The following KLK5 variants were observed in gnomAD, a reference collection of about 807,000 sequenced individuals.
The protein encoded by KLK5 is kallikrein related peptidase 5, also known as kallikrein-5.
In KLK5, 18 loss-of-function variants were observed where a neutral mutation model predicts 24.0. The observed-to-expected ratio is 0.75, with a 90% CI of 0.52 to 1.11. KLK5 has a LOEUF of 1.11. Among genes scored for constraint, KLK5 ranks in the 50% most tolerant of loss-of-function variants. The pLI is 0.00. For missense variants in KLK5, 374 were observed against 379.2 expected, an observed-to-expected ratio of 0.99 and a Z score of 0.11; for synonymous variants, 140 against 154.0, an observed-to-expected ratio of 0.91 and a Z score of 0.67.
chr19:50,946,310 G>A (rs55924070), intron 5 of KLK5, among the ~76,000 whole-genome samples: 28,443 of 152,196 alleles, frequency 0.19, 4,075 homozygotes, highest in East Asian at 0.81. Context: ...GCTGAGGCAT[G>A]CAAACCACTT....
At chr19:50,945,070 C>T (rs776849592) in intron 5 of KLK5, among the ~76,000 whole-genome samples, 30,320 of 135,152 alleles carry the variant, frequency 0.22, 4,566 homozygotes, top group East Asian at 0.78. Flanking sequence ...CTCCTTCCTT[C>T]CTTCCTTTCT....
Position 50,948,967 on chromosome 19 carries a change from T to A in KLK5, c.484A>T (p.Arg162Ter). Residue 162 changes from arginine (R) to a stop codon, truncating the protein, a stop_gained, in exon 4 of 6, where the codon AGA (arginine) becomes TGA (stop). Transcript: ENST00000336334. LOFTEE classifies it high-confidence loss of function. ...NDLMLIKLNRRIRPTKDVRPI... is the reference protein window; with the variant it reads ...NDLMLIKLNR ...CTGACATCTTTAGTGGGACGAATTC[T>A]TCTGTTCAGTTTGATGAGCATGAGG... The A allele has an allele frequency of 6.2e-7, 1 of 1,614,034 alleles. No homozygotes were observed. The highest frequency in any genetic ancestry group is 8.5e-7 in the Non-Finnish European group (1 of 1,179,988).
chr19:50,950,163 G>A, intron 2 of KLK5, 47 bp from the exon 3 acceptor site: 1 of 1,581,184 alleles, frequency 6.3e-7, no homozygotes, highest in Non-Finnish European at 8.6e-7. Context: ...CGGGGCTTGG[G>A]CTGGGGGTGG....
chr19:50,944,032 C>G lies in KLK5; in HGVS notation c.727-246G>C, dbSNP rs540550250. Among the ~76,000 whole-genome samples, 259 of 150,894 alleles carry G rather than the reference C, an allele frequency of 1.7e-3. 2 individuals carry two copies. Among genetic ancestry groups the G allele is most frequent in the African/African-American group, 6.0e-3 (247 of 41,012 alleles). On this transcript the variant is annotated intron_variant, in intron 5 of 5. Coordinates refer to ENST00000336334, the MANE Select transcript of KLK5 (RefSeq NM_012427.5). ...AGCTTTTTTTTTTTTGAGATGGAGT[C>G]TTACTCTGTTGCCCAGGTTGGAGCG...
At position 50,948,918 on chromosome 19, in the gene KLK5, C is replaced by T. The variant is rs1445715440; in HGVS notation, c.533G>A (p.Cys178Tyr). ...CAAGCACTTTGTCCCAGCAGAGGGA[C>T]AATGAGAGGAGACGTTGATGGGTCT... ...DVRPINVSSHCPSAGTKCLVS... is the reference protein window; with the variant it reads ...DVRPINVSSHYPSAGTKCLVS... Residue 178 changes from cysteine to tyrosine, a missense_variant, in exon 4 of 6, where the codon TGT (cysteine) becomes TAT (tyrosine). Transcript: ENST00000336334. 2.5e-6 allele frequency: 4 copies of T among 1,613,978 alleles called. No individual in the cohort carries two copies. The African/African-American group carries it at 5.3e-5, about 22-fold the overall frequency.
chr19:50,948,529 C>A, intron 5 of KLK5, 111 bp downstream of exon 5: 1 of 1,039,744 alleles, frequency 9.6e-7, no homozygotes, highest in Non-Finnish European at 1.5e-6. Context: ...TCTGTGAGAA[C>A]AGGGGTCCTG....
At chr19:50,949,547 T>A (rs1216594596) in intron 3 of KLK5, among the ~76,000 whole-genome samples, 9 of 148,984 alleles carry the variant, frequency 6.0e-5, no homozygotes, top group Non-Finnish European at 1.5e-5. Context: ...AAATATATGC[T>A]CCTAACCCCA....
chr19:50,951,663 C>G (rs542731753), intron 2 of KLK5, among the ~76,000 whole-genome samples: 1 of 152,190 alleles, frequency 6.6e-6, no homozygotes, highest in Non-Finnish European at 1.5e-5. Context: ...CAGCCAAGCA[C>G]GCACGCAGTT....
intron 5 of KLK5, among the ~76,000 whole-genome samples, chr19:50,948,006 GA>G (rs34825687): frequency 6.6e-6 from 1 of 152,056 alleles, no homozygotes; most frequent in African/African-American, 2.4e-5. Flanking sequence ...ATGAAAACAA[GA>G]AAAGAATGTA....
At chr19:50,946,646 G>C (rs931663847) in intron 5 of KLK5, among the ~76,000 whole-genome samples, 1 of 151,496 alleles carries the variant, frequency 6.6e-6, no homozygotes, top group African/African-American at 2.4e-5. Context: ...TGCAAGTTCC[G>C]CCTCCCGGGT....
At position 50,952,662 on chromosome 19, in the gene KLK5, G is replaced by A. The variant is rs199936760; in HGVS notation, c.-5C>T. On this transcript the variant is annotated 5_prime_UTR_variant, in exon 2 of 6. Coordinates refer to ENST00000336334, the MANE Select transcript of KLK5 (RefSeq NM_012427.5). Reference sequence around the variant, plus strand: ...GGGGGGTCTTGCTGTAGCCATGGCCGCTGCACCTGGATGGGGAATGTCAGA... The same window carrying A: ...GGGGGGTCTTGCTGTAGCCATGGCCACTGCACCTGGATGGGGAATGTCAGA... 1.5e-4 allele frequency: 242 copies of A among 1,592,198 alleles called. No homozygotes were observed. Among genetic ancestry groups the A allele is most frequent in the Non-Finnish European group, 1.9e-4 (217 of 1,169,176 alleles).
At chr19:50,950,890 C>CAAAAAAA (rs10650166) in intron 2 of KLK5, among the ~76,000 whole-genome samples, 1 of 99,966 alleles carries the variant, frequency 1.0e-5, no homozygotes, top group Admixed American at 1.2e-4. Flanking sequence ...AGACTGTCTC[C>CAAAAAAA]AAAAAAAAAA....
rs1386749971 is a variant in KLK5 at position 50,945,856 on chromosome 19, TA to T, written c.727-2071del. On this transcript the variant is annotated intron_variant, in intron 5 of 5. Coordinates refer to ENST00000336334, the MANE Select transcript of KLK5 (RefSeq NM_012427.5). ...CATACTACAATAATGATGTAAGTGG[TA>T]TGAATAAAATCTACTAAAATAAAAA... Among the ~76,000 whole-genome samples the T allele has an allele frequency of 4.8e-5, 7 of 144,822 alleles. No individual in the cohort carries two copies. In the East Asian group the frequency reaches 1.8e-3, roughly 36 times the overall value.
Position 50,943,434 on chromosome 19 carries a change from T to C in KLK5, c.*197A>G, listed in dbSNP as rs1381655436. 3.9e-6 allele frequency: 2 copies of C among 516,716 alleles called. No individual in the cohort carries two copies. The highest frequency in any genetic ancestry group is 1.9e-5 in the African/African-American group (1 of 52,300). The allele number at this position is 516,716 out of a possible 1,614,324, so 32.0% of individuals were successfully genotyped here. A position where few individuals can be genotyped will look rare whatever the true frequency, so the allele number is the denominator to read the frequency against. ...CCCCCGCCCTGGACAGTTTTGGAAA[T>C]TGTTCCCAGGGTTCAACTAGAGAGA... On this transcript the variant is annotated 3_prime_UTR_variant, in exon 6 of 6. Transcript: ENST00000336334.
intron 2 of KLK5, among the ~76,000 whole-genome samples, chr19:50,951,669 C>G (rs1367641705): frequency 6.6e-6 from 1 of 152,208 alleles, no homozygotes; most frequent in Non-Finnish European, 1.5e-5. Flanking sequence ...AGCACGCACG[C>G]AGTTCTGCAG....
rs1411733246 is a variant in KLK5 at position 50,947,097 on chromosome 19, T to C, written c.726+1543A>G. On this transcript the variant is annotated intron_variant, in intron 5 of 5. Coordinates refer to ENST00000336334, the MANE Select transcript of KLK5 (RefSeq NM_012427.5). The surrounding 1 kb of genome is among the most constrained non-coding windows in gnomAD (Gnocchi z 8.7). ...GTTAACTTACGTCCTTCTAGATCCC[T>C]TGGGAGCCTGAATACAGAGAAGGGT... 6.6e-6 allele frequency among the ~76,000 whole-genome samples: 1 copy of C among 152,192 alleles called. No individual in the cohort carries two copies. Among genetic ancestry groups the C allele is most frequent in the Admixed American group, 6.6e-5 (1 of 15,266 alleles).
intron 5 of KLK5, among the ~76,000 whole-genome samples, chr19:50,946,859 G>A (rs1440454005): frequency 2.0e-5 from 3 of 152,034 alleles, no homozygotes; most frequent in Admixed American, 1.3e-4. Context: ...ACGCCCGGCC[G>A]AGATGTGCTT....
intron 5 of KLK5, among the ~76,000 whole-genome samples, chr19:50,944,971 C>CTTCT (rs562689184): frequency 1.9e-4 from 29 of 150,964 alleles, no homozygotes; most frequent in East Asian, 1.4e-3. Context: ...TCTTTTCTTT[C>CTTCT]TTCTTTCTTT....
Position 50,948,929 on chromosome 19 carries a change from G to A in KLK5, c.522C>T (p.Val174=). Residue 174 remains valine, a synonymous_variant, in exon 4 of 6, where the codon GTC becomes GTT. Transcript: ENST00000336334. The part of the protein sequence containing the change: ...RPTKDVRPIN[V]SSHCPSAGTK... ...TCCCAGCAGAGGGACAATGAGAGGA[G>A]ACGTTGATGGGTCTGACATCTTTAG... The A allele has an allele frequency of 6.2e-7, 1 of 1,614,092 alleles. No homozygotes were observed. Among genetic ancestry groups the A allele is most frequent in the Non-Finnish European group, 8.5e-7 (1 of 1,180,006 alleles).
Sources: gnomAD v4.1 joint callset for allele counts (sites outside exome capture counted in the v4.1 genomes callset) on GRCh38, gnomAD v4.1.1 for gene constraint, Gnocchi (gnomAD v3.1) non-coding constraint, MANE v1.5 for transcripts, NCBI Gene and HGNC (gene_info 2026-07-23, HGNC 2026-07-21) for gene names.